Variants in GALNT2 observed in about 807,000 individuals in gnomAD.
GALNT2 encodes polypeptide N-acetylgalactosaminyltransferase 2.
A neutral mutation model predicts 81.4 loss-of-function variants in GALNT2; 31 were observed. The observed-to-expected ratio is 0.38, with a 90% CI of 0.29 to 0.51. The LOEUF is 0.51. GALNT2 is among the 20% of genes least tolerant of loss of function. GALNT2 has a pLI of 0.87. For missense variants in GALNT2, 629 were observed against 765.7 expected, an observed-to-expected ratio of 0.82 and a Z score of 2.11; for synonymous variants, 303 against 287.4, an observed-to-expected ratio of 1.05 and a Z score of -0.55.
At chr1:230,172,095 C>T (rs1454993489) in intron 1 of GALNT2, among the ~76,000 whole-genome samples, 2 of 152,216 alleles carry the variant, frequency 1.3e-5, no homozygotes, top group African/African-American at 2.4e-5. Flanking sequence ...CCCGATTTCA[C>T]GTGAGCTGGA....
chr1:230,152,024 A>G (rs1310506655), intron 1 of GALNT2, among the ~76,000 whole-genome samples: 1 of 152,116 alleles, frequency 6.6e-6, no homozygotes, highest in Non-Finnish European at 1.5e-5. Flanking sequence ...TCCTGTGGCC[A>G]TCTTGGTTTT....
At chr1:230,181,106 T>C (rs925305738) in intron 2 of GALNT2, among the ~76,000 whole-genome samples, 3 of 152,212 alleles carry the variant, frequency 2.0e-5, no homozygotes, top group African/African-American at 7.2e-5. Context: ...TTTGTCTTAT[T>C]TCATTAGCTA....
At chr1:230,112,801 G>T (rs1660742948) in intron 1 of GALNT2, among the ~76,000 whole-genome samples, 1 of 107,750 alleles carries the variant, frequency 9.3e-6, no homozygotes, top group Non-Finnish European at 2.3e-5. Flanking sequence ...GCAGGGGGGT[G>T]GGGGGGACCA....
chr1:230,280,151 G>C lies in GALNT2; in HGVS notation c.*693G>C. The C allele has an allele frequency of 7.9e-6, 3 of 379,418 alleles. No homozygotes were observed. In the Admixed American group the frequency reaches 8.8e-5, roughly 11 times the overall value. The allele number at this position is 379,418 out of a possible 1,614,324, so 23.5% of individuals were successfully genotyped here. ...TATATTCCCCACAAAGCCGTTCGCAGCTTCCGGGAGAAGGGGCCAGAGCCC... is the reference window on the plus strand; with the variant it reads ...TATATTCCCCACAAAGCCGTTCGCACCTTCCGGGAGAAGGGGCCAGAGCCC... On this transcript the variant is annotated 3_prime_UTR_variant, in exon 16 of 16. Transcript: ENST00000366672.
Position 230,275,452 on chromosome 1 carries a change from A to G in GALNT2, c.1560+888A>G, listed in dbSNP as rs1666271960. On this transcript the variant is annotated intron_variant, in intron 15 of 15. Coordinates refer to ENST00000366672, the MANE Select transcript of GALNT2 (RefSeq NM_004481.5). This position sits in a 1 kb window ranked among gnomAD's most constrained non-coding sequence, Gnocchi z 5.5. ...CACACCACATATATATACACGCCAC[A>G]TATATACATATATACAAACACCACA... is the stretch of plus-strand genomic sequence containing the variant. Among the ~76,000 whole-genome samples, 1 of 151,520 alleles carries G rather than the reference A, an allele frequency of 6.6e-6. No homozygotes were observed. Among genetic ancestry groups the G allele is most frequent in the South Asian group, 2.1e-4 (1 of 4,818 alleles).
chr1:230,162,317 A>G (rs1244028544), intron 1 of GALNT2, among the ~76,000 whole-genome samples: 1 of 151,866 alleles, frequency 6.6e-6, no homozygotes, highest in Non-Finnish European at 1.5e-5. Flanking sequence ...TTTTCCATAC[A>G]CTCTTTCTCA....
At chr1:230,091,384 CTTTTCTATCGGCCTATTTCTATCTA>C (rs1360861658) in intron 1 of GALNT2, among the ~76,000 whole-genome samples, 4 of 152,036 alleles carry the variant, frequency 2.6e-5, no homozygotes, top group Non-Finnish European at 4.4e-5. Context: ...CTCAGCAAAC[CTTTTCTATCGGCCTATTTCTATCTA>C]TTTTCTATCG....
At chr1:230,136,496 T>C (rs1661547070) in intron 1 of GALNT2, among the ~76,000 whole-genome samples, 1 of 152,192 alleles carries the variant, frequency 6.6e-6, no homozygotes, top group Non-Finnish European at 1.5e-5. Context: ...CTCCCGGATG[T>C]GAGTTCCAGC....
intron 8 of GALNT2, 65 bp from the exon 9 acceptor site, chr1:230,249,119 A>T (rs1187960875): frequency 3.6e-6 from 5 of 1,385,284 alleles, no homozygotes; most frequent in Middle Eastern, 1.8e-4. Flanking sequence ...GCTGTGAGGA[A>T]TGGGGGTGTC....
chr1:230,121,035 G>T (rs182632329), intron 1 of GALNT2, among the ~76,000 whole-genome samples: 25 of 152,318 alleles, frequency 1.6e-4, no homozygotes, highest in Admixed American at 1.6e-3. Context: ...GCACCAAGTG[G>T]TTCTCCCTGG....
At chr1:230,113,976 AG>A (rs568374470) in intron 1 of GALNT2, among the ~76,000 whole-genome samples, 105 of 152,236 alleles carry the variant, frequency 6.9e-4, no homozygotes, top group Non-Finnish European at 1.3e-3. Context: ...CAGTGAATGA[AG>A]GACTTCATCT....
rs565543512 is a variant in GALNT2, at chr1:230,152,714, A to T, written c.127-25504A>T. Among the ~76,000 whole-genome samples, 3 of 152,206 alleles carry T rather than the reference A, an allele frequency of 2.0e-5. No individual in the cohort carries two copies. In the East Asian group the frequency reaches 5.8e-4, roughly 29 times the overall value. On this transcript the variant is annotated intron_variant, in intron 1 of 15. Transcript: ENST00000366672. ...ACTAGATAATCCTTCTCCTACACAG[A>T]CTCGTGTTTTGTGTGAGTGGGACAC...
chr1:230,073,128 G>A (rs1012709000), intron 1 of GALNT2, among the ~76,000 whole-genome samples: 12 of 152,162 alleles, frequency 7.9e-5, no homozygotes, highest in African/African-American at 2.4e-4. Context: ...TGGGCCTGGC[G>A]GGGAACTCTC....
At chr1:230,069,758 C>G (rs908466052) in intron 1 of GALNT2, among the ~76,000 whole-genome samples, 5 of 151,080 alleles carry the variant, frequency 3.3e-5, no homozygotes, top group Non-Finnish European at 7.4e-5. Context: ...AAAAAGATAG[C>G]GGGCCATGCA....
chr1:230,077,935 G>A (rs143600020), intron 1 of GALNT2, among the ~76,000 whole-genome samples: 16 of 152,284 alleles, frequency 1.1e-4, no homozygotes, highest in African/African-American at 3.4e-4. Flanking sequence ...CTTCATTGTC[G>A]TTTCTTGGAT....
intron 3 of GALNT2, among the ~76,000 whole-genome samples, chr1:230,214,659 T>A (rs975768000): frequency 6.6e-6 from 1 of 152,214 alleles, no homozygotes; most frequent in Non-Finnish European, 1.5e-5. Flanking sequence ...TGAACCTGTT[T>A]GGGATTTGTG....
At chr1:230,159,023 A>T (rs1662347892) in intron 1 of GALNT2, among the ~76,000 whole-genome samples, 1 of 152,234 alleles carries the variant, frequency 6.6e-6, no homozygotes, top group South Asian at 2.1e-4. Flanking sequence ...GGCAGGTGGC[A>T]TGTGTCTGGT....
chr1:230,240,863 T>G (rs1180857644), intron 6 of GALNT2, among the ~76,000 whole-genome samples: 1 of 152,224 alleles, frequency 6.6e-6, no homozygotes. Context: ...GTTATACCAC[T>G]TGTTATTGTC....
intron 3 of GALNT2, among the ~76,000 whole-genome samples, chr1:230,203,996 T>C (rs1663985351): frequency 6.6e-6 from 1 of 152,126 alleles, no homozygotes; most frequent in East Asian, 1.9e-4. Context: ...AGATAATATT[T>C]ATTTAAAATT....
Sources: gnomAD v4.1 joint callset for allele counts (sites outside exome capture counted in the v4.1 genomes callset) on GRCh38, gnomAD v4.1.1 for gene constraint, Gnocchi (gnomAD v3.1) non-coding constraint, MANE v1.5 for transcripts, NCBI Gene and HGNC (gene_info 2026-07-23, HGNC 2026-07-21) for gene names.